MAP3K21: variants seen among roughly 807,000 people sequenced by gnomAD.
MAP3K21 encodes mitogen-activated protein kinase kinase kinase MLK4.
A neutral mutation model predicts 86.1 loss-of-function variants in MAP3K21; 63 were observed. The observed-to-expected ratio is 0.73, with a 90% CI of 0.60 to 0.90. The LOEUF (loss-of-function observed/expected upper bound fraction) is 0.90, where lower values mean the gene tolerates loss of function less well. Among genes scored for constraint, MAP3K21 ranks in the 40% least tolerant of loss-of-function variants. The pLI is 0.00. For synonymous variants in MAP3K21, 558 were observed against 564.8 expected, an observed-to-expected ratio of 0.99 and a Z score of 0.17; for missense variants, 1,220 against 1,367.7, an observed-to-expected ratio of 0.89 and a Z score of 1.70.
chr1:233,357,120 A>G (rs962378108), intron 4 of MAP3K21, among the ~76,000 whole-genome samples: 10 of 152,184 alleles, frequency 6.6e-5, no homozygotes, highest in East Asian at 5.8e-4. Flanking sequence ...TTTAAAGTAG[A>G]CATAACCATC....
chr1:233,360,418 A>T (rs1457360459), intron 4 of MAP3K21, among the ~76,000 whole-genome samples: 1 of 152,200 alleles, frequency 6.6e-6, no homozygotes, highest in East Asian at 1.9e-4. Flanking sequence ...TAGGCATATT[A>T]GCTGAAGTGA....
chr1:233,382,693 G>A lies in MAP3K21; in HGVS notation c.3093G>A (p.Glu1031=), dbSNP rs369496903. 41 of 1,612,382 alleles carry A rather than the reference G, an allele frequency of 2.5e-5. No individual in the cohort carries two copies. Among genetic ancestry groups the A allele is most frequent in the Non-Finnish European group, 3.1e-5 (37 of 1,178,910 alleles). ...GCCGGCCATCTATATATGAACTGGA[G>A]AAAGAATTCCTGTCTTAAACTAAGT... is the stretch of plus-strand genomic sequence containing the variant. The part of the protein sequence containing the change: ...KTSRPSIYEL[E]KEFLS Residue 1031 remains glutamate (E), a synonymous_variant, in exon 10 of 10, where the codon GAG becomes GAA. Transcript: ENST00000366624.
intron 5 of MAP3K21, among the ~76,000 whole-genome samples, chr1:233,365,795 A>C (rs756851184): frequency 3.3e-5 from 5 of 152,218 alleles, no homozygotes; most frequent in African/African-American, 4.8e-5. Flanking sequence ...TCAAAAAAAA[A>C]ACTAAAAATA....
chr1:233,350,749 T>A (rs540951037), intron 2 of MAP3K21, among the ~76,000 whole-genome samples: 1 of 152,334 alleles, frequency 6.6e-6, no homozygotes, highest in Admixed American at 6.5e-5. Context: ...GTAAAACTAC[T>A]AAGAAGCAGA....
At chr1:233,343,689 C>T (rs1238866791) in intron 1 of MAP3K21, among the ~76,000 whole-genome samples, 3 of 152,162 alleles carry the variant, frequency 2.0e-5, no homozygotes, top group Non-Finnish European at 4.4e-5. Flanking sequence ...CTTCACTGCT[C>T]CTTAGCTCTG....
chr1:233,352,175 C>T (rs1663262888), intron 2 of MAP3K21, among the ~76,000 whole-genome samples: 1 of 152,164 alleles, frequency 6.6e-6, no homozygotes, highest in Non-Finnish European at 1.5e-5. Flanking sequence ...GCGTGAACTG[C>T]CATGCCCAGC....
Position 233,353,973 on chromosome 1 carries a change from G to C in MAP3K21, c.1135+18G>C, listed in dbSNP as rs775294111. The C allele has an allele frequency of 1.4e-6, 2 of 1,472,042 alleles. No homozygotes were observed. The highest frequency in any genetic ancestry group is 1.8e-6 in the Non-Finnish European group (2 of 1,105,604). 91.2% of individuals were successfully genotyped at this position (1,472,042 alleles called of 1,614,324 possible). ...CATGAAAGGTATTGTGTGTGTGTGTGTGTGTCTTTGTGGGGGCAAGAATTT... is the reference window on the plus strand; with the variant it reads ...CATGAAAGGTATTGTGTGTGTGTGTCTGTGTCTTTGTGGGGGCAAGAATTT... On this transcript the variant is annotated intron_variant, in intron 3 of 9. Coordinates refer to ENST00000366624, the MANE Select transcript of MAP3K21 (RefSeq NM_032435.3).
intron 1 of MAP3K21, among the ~76,000 whole-genome samples, chr1:233,345,594 CA>C: frequency 7.1e-6 from 1 of 141,316 alleles, no homozygotes; most frequent in South Asian, 2.2e-4. Flanking sequence ...GGATGGGGGG[CA>C]GGGGGAGGGA....
At chr1:233,368,684 T>C (rs1012717728) in intron 5 of MAP3K21, among the ~76,000 whole-genome samples, 3 of 151,840 alleles carry the variant, frequency 2.0e-5, no homozygotes, top group African/African-American at 7.3e-5. Context: ...ACTCAGCAGA[T>C]GGAGGAGCCT....
rs986369880 is a variant in MAP3K21 at position 233,330,841 on chromosome 1, A to G, written c.805+2008A>G. On this transcript the variant is annotated intron_variant, in intron 1 of 9. Coordinates refer to ENST00000366624, the MANE Select transcript of MAP3K21 (RefSeq NM_032435.3). ...AGAGAATGTTTGCTAGTGTTTTTAA[A>G]GCATGTTTTAAAGGATGTTTATCCA... is the stretch of plus-strand genomic sequence containing the variant. 2.6e-5 allele frequency among the ~76,000 whole-genome samples: 4 copies of G among 152,244 alleles called. No individual in the cohort carries two copies. In the East Asian group the frequency reaches 7.7e-4, roughly 29 times the overall value.
chr1:233,342,635 C>G (rs1663056729), intron 1 of MAP3K21, among the ~76,000 whole-genome samples: 1 of 152,082 alleles, frequency 6.6e-6, no homozygotes, highest in Non-Finnish European at 1.5e-5. Context: ...ATGTGAGTAG[C>G]AAATGATAGG....
chr1:233,369,749 GCTGCTTT>G (rs1345354988), intron 5 of MAP3K21, among the ~76,000 whole-genome samples: 2 of 152,164 alleles, frequency 1.3e-5, no homozygotes, highest in African/African-American at 2.4e-5. Context: ...GTTGACTGTG[GCTGCTTT>G]CTCTCACATC....
chr1:233,369,333 T>C (rs1663641831), intron 5 of MAP3K21, among the ~76,000 whole-genome samples: 2 of 151,980 alleles, frequency 1.3e-5, no homozygotes, highest in East Asian at 1.9e-4. Context: ...GAGGTTGCAG[T>C]GCACTGAGAT....
chr1:233,328,296 G>A lies in MAP3K21; in HGVS notation c.268G>A (p.Gly90Ser). Residue 90 changes from glycine (G) to serine (S), a missense_variant, in exon 1 of 10, where the codon GGC (glycine) becomes AGC (serine). By Grantham distance (56) the Gly-to-Ser change is moderately conservative. This residue lies in a region of MAP3K21 where 369 missense variants were observed against 385.3 expected (regional missense o/e 0.96). Transcript: ENST00000366624. The surrounding 1 kb of genome is among the most constrained non-coding windows in gnomAD (Gnocchi z 8.7). Reference sequence around the variant, plus strand: ...GGCAGGCCAGGTGCAGCGGCGCCTCGGCATCTTCCCCGCCAACTACGTGGC... The same window carrying A: ...GGCAGGCCAGGTGCAGCGGCGCCTCAGCATCTTCCCCGCCAACTACGTGGC... ...WWAGQVQRRLGIFPANYVAPC... is the reference protein window; with the variant it reads ...WWAGQVQRRLSIFPANYVAPC... The A allele has an allele frequency of 6.7e-7, 1 of 1,486,360 alleles. No homozygotes were observed. Among genetic ancestry groups the A allele is most frequent in the Non-Finnish European group, 8.9e-7 (1 of 1,126,158 alleles). The allele number at this position is 1,486,360 out of a possible 1,614,324, so 92.1% of individuals were successfully genotyped here. A position where few individuals can be genotyped will look rare whatever the true frequency, so the allele number is the denominator to read the frequency against.
At position 233,377,320 on chromosome 1, in the gene MAP3K21, A is replaced by G. The variant is rs111501552; in HGVS notation, c.1924+793A>G. Reference sequence around the variant, plus strand: ...AATTGGTCTTTATACTTGACCATTTAGGCAGACTCTTTGGTACTTTGATCA... The same window carrying G: ...AATTGGTCTTTATACTTGACCATTTGGGCAGACTCTTTGGTACTTTGATCA... On this transcript the variant is annotated intron_variant, in intron 8 of 9. Transcript: ENST00000366624. 3.9e-3 allele frequency among the ~76,000 whole-genome samples: 598 copies of G among 152,336 alleles called. 3 individuals carry two copies. The highest frequency in any genetic ancestry group is 0.013 in the African/African-American group (526 of 41,568).
At chr1:233,334,967 T>C (rs1662885276) in intron 1 of MAP3K21, among the ~76,000 whole-genome samples, 1 of 151,696 alleles carries the variant, frequency 6.6e-6, no homozygotes, top group African/African-American at 2.4e-5. Flanking sequence ...TTCTTTCTTT[T>C]TTTTTTTTAT....
Position 233,353,920 on chromosome 1 carries a change from C to A in MAP3K21, c.1100C>A (p.Ser367Tyr). The change falls in exon 3 of 10, where the codon TCC becomes TAC. Residue 367 changes from serine (S) to tyrosine (Y), a missense_variant. Ser to Tyr is a moderately radical substitution (Grantham distance 144). This residue lies in a region of MAP3K21 where 126 missense variants were observed against 127.7 expected (regional missense o/e 0.99). Transcript: ENST00000366624. ...AATAAACTCACTTTGCCCATTCCAT[C>A]CACCTGCCCTGAGCCGTTTGCCAAG... is the stretch of plus-strand genomic sequence containing the variant. ...AVNKLTLPIP[S>Y]TCPEPFAKLM... 1 of 1,611,602 alleles carries A rather than the reference C, an allele frequency of 6.2e-7. No individual in the cohort carries two copies. The highest frequency in any genetic ancestry group is 8.5e-7 in the Non-Finnish European group (1 of 1,179,008).
intron 4 of MAP3K21, 65 bp from the exon 5 acceptor site, chr1:233,361,988 G>A: frequency 1.3e-6 from 2 of 1,569,458 alleles, no homozygotes; most frequent in Non-Finnish European, 1.7e-6. Context: ...CCAGTGTAGT[G>A]TAATAGACGG....
chr1:233,376,412 A>G lies in MAP3K21; in HGVS notation c.1827-18A>G, dbSNP rs776784325. The G allele has an allele frequency of 6.4e-7, 1 of 1,566,592 alleles. No individual in the cohort carries two copies. On this transcript the variant is annotated intron_variant, in intron 7 of 9. Transcript: ENST00000366624. ...TGTGTGCTTCTATCTTATGAAAAGAAACATTTTTCTCTTGTAGGATAAGAC... is the reference window on the plus strand; with the variant it reads ...TGTGTGCTTCTATCTTATGAAAAGAGACATTTTTCTCTTGTAGGATAAGAC...
Sources: allele counts gnomAD v4.1 joint callset (sites outside exome capture counted in the v4.1 genomes callset), GRCh38; gene constraint gnomAD v4.1.1; regional missense constraint gnomAD v4.1.1; non-coding constraint Gnocchi (gnomAD v3.1); transcripts MANE v1.5; gene names NCBI Gene and HGNC (gene_info 2026-07-23, HGNC 2026-07-21).